PTPRD: variants seen among roughly 807,000 people sequenced by gnomAD.
PTPRD encodes the protein protein tyrosine phosphatase receptor type D.
In PTPRD, 34 loss-of-function variants were observed where a neutral mutation model predicts 214.5. The observed-to-expected ratio is 0.16, with a 90% CI of 0.12 to 0.21. The LOEUF is 0.21. PTPRD is among the 10% of genes least tolerant of loss of function. The probability of loss-of-function intolerance (pLI) is 1.00; values close to 1 mark genes in which losing one functional copy is unlikely to be tolerated. For missense variants in PTPRD, 2,545 were observed against 2,398.7 expected (o/e 1.06, Z -1.27); for synonymous variants, 1,128 against 845.7 (o/e 1.33, Z -5.79).
intron 11 of PTPRD, among the ~76,000 whole-genome samples, chr9:8,751,207 C>T (rs2093488778): frequency 6.6e-6 from 1 of 152,106 alleles, no homozygotes; most frequent in South Asian, 2.1e-4. Flanking sequence ...TCCCATTTCT[C>T]TTCCATAGAG....
intron 10 of PTPRD, among the ~76,000 whole-genome samples, chr9:9,030,911 T>A (rs990050974): frequency 2.0e-5 from 3 of 151,980 alleles, no homozygotes; most frequent in African/African-American, 7.2e-5. Flanking sequence ...TGGTTCTTAT[T>A]CATATGTAGT....
chr9:9,938,995 A>C (rs1007537511), intron 4 of PTPRD, among the ~76,000 whole-genome samples: 2 of 144,716 alleles, frequency 1.4e-5, no homozygotes, highest in Non-Finnish European at 3.0e-5. Flanking sequence ...TGTTGAAAAT[A>C]ATTCATTTTC....
intron 2 of PTPRD, among the ~76,000 whole-genome samples, chr9:10,515,480 T>A (rs573998429): frequency 6.6e-6 from 1 of 152,166 alleles, no homozygotes; most frequent in African/African-American, 2.4e-5. Context: ...GGAGCTATGA[T>A]CTTATGAATA....
chr9:10,588,853 C>G (rs563904630), intron 2 of PTPRD, among the ~76,000 whole-genome samples: 1 of 152,078 alleles, frequency 6.6e-6, no homozygotes, highest in South Asian at 2.1e-4. Flanking sequence ...CCCTTTACTG[C>G]TTTATTTTAT....
At chr9:8,882,185 G>A (rs1017051403) in intron 11 of PTPRD, among the ~76,000 whole-genome samples, 1 of 152,090 alleles carries the variant, frequency 6.6e-6, no homozygotes, top group African/African-American at 2.4e-5. Flanking sequence ...AAGAAATACT[G>A]TCGACTCATT....
chr9:9,745,098 T>G (rs967668592), intron 6 of PTPRD, among the ~76,000 whole-genome samples: 1 of 152,056 alleles, frequency 6.6e-6, no homozygotes, highest in Non-Finnish European at 1.5e-5. Context: ...GAAAAGTAAC[T>G]TAATTATTAA....
At chr9:10,269,652 A>G (rs2094307092) in intron 3 of PTPRD, among the ~76,000 whole-genome samples, 1 of 152,156 alleles carries the variant, frequency 6.6e-6, no homozygotes, top group Non-Finnish European at 1.5e-5. Flanking sequence ...GCTGTCTTGT[A>G]GAAAGTTCAA....
chr9:10,556,174 C>T (rs1469988892), intron 2 of PTPRD, among the ~76,000 whole-genome samples: 1 of 151,520 alleles, frequency 6.6e-6, no homozygotes, highest in Admixed American at 6.6e-5. Context: ...GTAGTAAAAA[C>T]AAACAAAAAA....
Position 8,454,463 on chromosome 9 carries a change from C to A in PTPRD, c.3876-4626G>T, listed in dbSNP as rs537777857. 6 of 975,914 alleles carry A rather than the reference C, an allele frequency of 6.1e-6. No individual in the cohort carries two copies. In the African/African-American group the frequency reaches 6.6e-5, roughly 11 times the overall value. The allele number at this position is 975,914 out of a possible 1,614,324, so 60.5% of individuals were successfully genotyped here. On this transcript the variant is annotated intron_variant, in intron 33 of 45. Coordinates refer to ENST00000381196, the MANE Select transcript of PTPRD (RefSeq NM_002839.4). ...ATATGTAGGCTTTGCCCATCTTCCA[C>A]GTGCCAGGTATTATCTTTTGTGTGC...
chr9:8,962,134 G>A (rs531321165), intron 11 of PTPRD: 2 of 152,158 alleles, frequency 1.3e-5, no homozygotes, highest in South Asian at 4.2e-4. Context: ...CTCTTGTTAT[G>A]TGCTAACCAT....
At chr9:10,533,454 G>C (rs964656078) in intron 2 of PTPRD, among the ~76,000 whole-genome samples, 2 of 151,988 alleles carry the variant, frequency 1.3e-5, no homozygotes, top group African/African-American at 4.8e-5. Flanking sequence ...CAATCATAGA[G>C]TGGGTATATA....
chr9:10,387,343 A>C (rs1310896657), intron 2 of PTPRD, among the ~76,000 whole-genome samples: 1 of 151,926 alleles, frequency 6.6e-6, no homozygotes, highest in Non-Finnish European at 1.5e-5. Context: ...TTGATGCCTT[A>C]TAGTTTACTA....
intron 2 of PTPRD, among the ~76,000 whole-genome samples, chr9:10,434,886 C>A (rs2098707105): frequency 6.6e-6 from 1 of 151,732 alleles, no homozygotes; most frequent in Non-Finnish European, 1.5e-5. Context: ...ATGATGCTGC[C>A]CTTTGCACTT....
intron 7 of PTPRD, among the ~76,000 whole-genome samples, chr9:9,670,769 G>A (rs985807041): frequency 2.0e-5 from 3 of 152,176 alleles, no homozygotes; most frequent in Non-Finnish European, 4.4e-5. Flanking sequence ...GCCTGCGGGT[G>A]CACAGAAGTC....
At chr9:9,711,605 C>T (rs888593966) in intron 7 of PTPRD, among the ~76,000 whole-genome samples, 9 of 152,004 alleles carry the variant, frequency 5.9e-5, no homozygotes, top group African/African-American at 2.2e-4. Flanking sequence ...CCACTTTATT[C>T]CAGTGGTTCT....
intron 5 of PTPRD, among the ~76,000 whole-genome samples, chr9:9,895,368 C>T (rs1322923272): frequency 6.6e-6 from 1 of 151,260 alleles, no homozygotes; most frequent in East Asian, 1.9e-4. Context: ...TGGAGATAAG[C>T]CATGTATATA....
intron 3 of PTPRD, among the ~76,000 whole-genome samples, chr9:10,115,995 G>T (rs1030612326): frequency 2.6e-5 from 4 of 152,052 alleles, no homozygotes; most frequent in African/African-American, 4.8e-5. Flanking sequence ...AAGGAGAGAT[G>T]AATGACTTAG....
At chr9:9,044,889 T>C (rs1047017404) in intron 10 of PTPRD, among the ~76,000 whole-genome samples, 1 of 152,166 alleles carries the variant, frequency 6.6e-6, no homozygotes, top group African/African-American at 2.4e-5. Flanking sequence ...ATGGTGTGTC[T>C]AGAAGCACAA....
At chr9:10,500,301 C>T (rs2043263261) in intron 2 of PTPRD, among the ~76,000 whole-genome samples, 1 of 151,512 alleles carries the variant, frequency 6.6e-6, no homozygotes, top group Admixed American at 6.6e-5. Context: ...TCATTCAGAA[C>T]CTGAAAAAAA....
Sources: gnomAD v4.1 joint callset for allele counts (sites outside exome capture counted in the v4.1 genomes callset) on GRCh38, gnomAD v4.1.1 for gene constraint, MANE v1.5 for transcripts, NCBI Gene and HGNC (gene_info 2026-07-23, HGNC 2026-07-21) for gene names.